RNF144A: variants seen among roughly 807,000 people sequenced by gnomAD.
RNF144A encodes the protein E3 ubiquitin-protein ligase RNF144A.
Under a neutral mutation model 38.7 loss-of-function variants are expected in RNF144A, and 11 were observed. The ratio of observed to expected loss-of-function variants is 0.28; its 90% confidence interval spans 0.18 to 0.47. The LOEUF (loss-of-function observed/expected upper bound fraction) is 0.47. Among genes scored for constraint, RNF144A ranks in the 20% least tolerant of loss-of-function variants. The probability of loss-of-function intolerance (pLI) is 0.99; values close to 1 mark genes in which losing one functional copy is unlikely to be tolerated. For missense variants in RNF144A, 316 were observed against 377.2 expected (o/e 0.84, Z 1.34); for synonymous variants, 149 against 143.9 (o/e 1.04, Z -0.25).
chr2:6,936,552 T>C, intron 1 of RNF144A, among the ~76,000 whole-genome samples: 1 of 152,200 alleles, frequency 6.6e-6, no homozygotes, highest in Non-Finnish European at 1.5e-5. Context: ...TCATCTTACA[T>C]AATCTTAAAA....
At chr2:6,924,511 G>A (rs762719780) in intron 1 of RNF144A, among the ~76,000 whole-genome samples, 4 of 152,196 alleles carry the variant, frequency 2.6e-5, no homozygotes, top group Non-Finnish European at 5.9e-5. Context: ...GTAGAGAAGG[G>A]GGTGCTCTGA....
chr2:6,936,379 A>G (rs963151845), intron 1 of RNF144A, among the ~76,000 whole-genome samples: 2 of 152,210 alleles, frequency 1.3e-5, no homozygotes, highest in African/African-American at 4.8e-5. Flanking sequence ...ACGTATACAC[A>G]TACATGCATC....
intron 2 of RNF144A, among the ~76,000 whole-genome samples, chr2:6,985,750 G>T (rs1016314764): frequency 6.6e-6 from 1 of 152,222 alleles, no homozygotes; most frequent in African/African-American, 2.4e-5. Context: ...TCGGCTCACT[G>T]CAAGCTCCGC....
chr2:7,073,321 TG>T, the RNF144A span, among the ~76,000 whole-genome samples: 2 of 152,206 alleles, frequency 1.3e-5, no homozygotes, highest in East Asian at 3.8e-4. Context: ...GGATTACAAA[TG>T]TGTCTATCAC....
chr2:7,064,212 T>C (rs551577176), intron 6 of RNF144A, among the ~76,000 whole-genome samples: 1 of 152,260 alleles, frequency 6.6e-6, no homozygotes, highest in South Asian at 2.1e-4. Flanking sequence ...AGGTTTCCTG[T>C]GCATGAACTT....
chr2:6,959,429 C>T (rs1489629497), intron 2 of RNF144A, among the ~76,000 whole-genome samples: 1 of 95,876 alleles, frequency 1.0e-5, no homozygotes, highest in African/African-American at 2.5e-5. Context: ...GATAGGAGAG[C>T]TGCTGTTGGA....
At chr2:7,018,130 G>A (rs1671263083) in intron 5 of RNF144A, among the ~76,000 whole-genome samples, 1 of 152,184 alleles carries the variant, frequency 6.6e-6, no homozygotes, top group Non-Finnish European at 1.5e-5. Flanking sequence ...GCTTTGGGAT[G>A]TCTGCTCCTT....
chr2:6,968,854 G>A (rs1385123488), intron 2 of RNF144A, among the ~76,000 whole-genome samples: 1 of 152,176 alleles, frequency 6.6e-6, no homozygotes, highest in Non-Finnish European at 1.5e-5. Flanking sequence ...GTTCTCAGGT[G>A]TTGTGTGTTC....
At chr2:6,935,520 C>T (rs1373292706) in intron 1 of RNF144A, among the ~76,000 whole-genome samples, 2 of 152,224 alleles carry the variant, frequency 1.3e-5, no homozygotes, top group African/African-American at 2.4e-5. Flanking sequence ...CGTCTACATC[C>T]CTGCCCGGGT....
At chr2:6,990,473 A>C (rs201331939) in intron 2 of RNF144A, among the ~76,000 whole-genome samples, 8 of 72,578 alleles carry the variant, frequency 1.1e-4, no homozygotes, top group Admixed American at 2.6e-4. Flanking sequence ...TATAACATAT[A>C]ATATATATAG....
At chr2:7,047,621 G>A (rs1220705063), downstream of RNF144A, among the ~76,000 whole-genome samples, 2 of 152,206 alleles carry the variant, frequency 1.3e-5, no homozygotes, top group Non-Finnish European at 2.9e-5. Flanking sequence ...AATTCAAGTT[G>A]AGATTTTGGT....
intron 8 of RNF144A, 32 bp from the exon 9 acceptor site, chr2:7,039,597 C>T (rs755231388): frequency 1.5e-5 from 24 of 1,612,546 alleles, no homozygotes; most frequent in Non-Finnish European, 2.0e-5. Context: ...ACCAGCCCTC[C>T]TTACCTCTAC....
chr2:6,953,166 C>G (rs10186854), intron 2 of RNF144A, among the ~76,000 whole-genome samples: 95,446 of 151,614 alleles, frequency 0.63, 34,492 homozygotes, highest in Non-Finnish European at 0.81. Flanking sequence ...GTGGCTCACA[C>G]CGGTAATCCC....
downstream of RNF144A, among the ~76,000 whole-genome samples, chr2:7,049,111 G>C (rs1225802593): frequency 2.0e-5 from 3 of 152,230 alleles, no homozygotes; most frequent in Non-Finnish European, 2.9e-5. Flanking sequence ...CAGGGCCTGG[G>C]GAGGCTCCCT....
chr2:6,998,558 A>G (rs1450897744), intron 3 of RNF144A, among the ~76,000 whole-genome samples: 2 of 152,238 alleles, frequency 1.3e-5, no homozygotes, highest in Non-Finnish European at 2.9e-5. Context: ...GCTAATCAGT[A>G]AAATCTCACA....
At chr2:6,973,290 G>A (rs1231837115) in intron 2 of RNF144A, among the ~76,000 whole-genome samples, 1 of 152,324 alleles carries the variant, frequency 6.6e-6, no homozygotes, top group East Asian at 1.9e-4. Flanking sequence ...GACTCACGTG[G>A]TGTCTTAGGA....
intron 6 of RNF144A, among the ~76,000 whole-genome samples, chr2:7,050,760 C>T (rs1048302103): frequency 1.3e-5 from 2 of 152,196 alleles, no homozygotes; most frequent in African/African-American, 2.4e-5. Flanking sequence ...ATTCTTGGCT[C>T]CCTCACTGGC....
the RNF144A span, among the ~76,000 whole-genome samples, chr2:7,073,373 G>A: frequency 1.3e-5 from 2 of 152,042 alleles, no homozygotes; most frequent in Non-Finnish European, 2.9e-5. Context: ...CAGAAATGAT[G>A]TGATGTTCAT....
At chr2:7,052,125 G>A (rs1229609754) in intron 6 of RNF144A, among the ~76,000 whole-genome samples, 4 of 152,138 alleles carry the variant, frequency 2.6e-5, no homozygotes, top group Non-Finnish European at 4.4e-5. Flanking sequence ...AGTCCGTGGT[G>A]TCACTCAGAA....
Sources: allele counts gnomAD v4.1 joint callset (sites outside exome capture counted in the v4.1 genomes callset), GRCh38; gene constraint gnomAD v4.1.1; transcripts MANE v1.5; gene names NCBI Gene and HGNC (gene_info 2026-07-23, HGNC 2026-07-21).